The following ELMO1 variants were observed in gnomAD, a reference collection of about 807,000 sequenced individuals.
ELMO1 encodes engulfment and cell motility 1.
A neutral mutation model predicts 98.9 loss-of-function variants in ELMO1; 26 were observed. That is an observed-to-expected ratio of 0.26 (90% CI 0.19 to 0.36). ELMO1 has a LOEUF of 0.36. Among genes scored for constraint, ELMO1 ranks in the 10% least tolerant of loss-of-function variants. The pLI is 1.00. For missense variants in ELMO1, 627 were observed against 935.2 expected (o/e 0.67, Z 4.30); for synonymous variants, 346 against 346.0 (o/e 1.00, Z 0.00).
chr7:37,447,714 C>CCACCCACACACACACACA (rs1323474343), intron 1 of ELMO1, among the ~76,000 whole-genome samples: 12 of 132,138 alleles, frequency 9.1e-5, no homozygotes, highest in African/African-American at 3.7e-4. Flanking sequence ...CGCGCACACA[C>CCACCCACACACACACACA]CACACACACA....
At chr7:36,950,541 G>A (rs181342191) in intron 16 of ELMO1, among the ~76,000 whole-genome samples, 30 of 152,270 alleles carry the variant, frequency 2.0e-4, no homozygotes, top group Admixed American at 7.2e-4. Context: ...GTTTCATGGC[G>A]CCAGGCAATT....
intron 1 of ELMO1, among the ~76,000 whole-genome samples, chr7:37,428,194 C>T (rs1360271470): frequency 6.6e-6 from 1 of 151,716 alleles, no homozygotes; most frequent in Non-Finnish European, 1.5e-5. Context: ...AGAACTAGGT[C>T]AAAGGCACAA....
chr7:37,158,316 T>C (rs1256494041), intron 13 of ELMO1, among the ~76,000 whole-genome samples: 2 of 152,122 alleles, frequency 1.3e-5, no homozygotes, highest in Non-Finnish European at 2.9e-5. Flanking sequence ...TGGGATCTAA[T>C]TAAACTAAAG....
intron 16 of ELMO1, among the ~76,000 whole-genome samples, chr7:36,898,637 T>C (rs1324589037): frequency 6.6e-6 from 1 of 152,196 alleles, no homozygotes; most frequent in Non-Finnish European, 1.5e-5. Flanking sequence ...CTGTTGGTCA[T>C]GTAAATGCGC....
intron 1 of ELMO1, among the ~76,000 whole-genome samples, chr7:37,381,869 G>A (rs1428836719): frequency 6.6e-6 from 1 of 151,938 alleles, no homozygotes; most frequent in Admixed American, 6.6e-5. Context: ...CAAAGGTTAG[G>A]ATCCCTCTGC....
chr7:37,127,893 C>T (rs1407599626), intron 14 of ELMO1, among the ~76,000 whole-genome samples: 1 of 152,108 alleles, frequency 6.6e-6, no homozygotes, highest in Non-Finnish European at 1.5e-5. Flanking sequence ...AAATTAAATA[C>T]ATCAAGAACA....
At chr7:37,389,826 ATT>A (rs1057350089) in intron 1 of ELMO1, among the ~76,000 whole-genome samples, 1 of 152,152 alleles carries the variant, frequency 6.6e-6, no homozygotes, top group African/African-American at 2.4e-5. Context: ...ATCCCCCGAG[ATT>A]CTTACTAATT....
chr7:37,367,073 T>G (rs113358832), intron 1 of ELMO1, among the ~76,000 whole-genome samples: 12,254 of 152,264 alleles, frequency 0.08, 614 homozygotes, highest in Middle Eastern at 0.12. Flanking sequence ...GTTTCTCCTG[T>G]CTTGCTCTCT....
chr7:36,860,003 T>C (rs1802492325), intron 21 of ELMO1, among the ~76,000 whole-genome samples: 1 of 152,214 alleles, frequency 6.6e-6, no homozygotes, highest in South Asian at 2.1e-4. Context: ...GATGAAGACT[T>C]TTATGATGAT....
At chr7:37,067,489 T>C (rs559267470) in intron 15 of ELMO1, among the ~76,000 whole-genome samples, 1 of 152,350 alleles carries the variant, frequency 6.6e-6, no homozygotes, top group Admixed American at 6.5e-5. Flanking sequence ...ATATTTATTT[T>C]CTTCCCATAC....
intron 6 of ELMO1, among the ~76,000 whole-genome samples, chr7:37,251,154 A>G (rs1169727109): frequency 6.6e-6 from 1 of 152,220 alleles, no homozygotes; most frequent in Non-Finnish European, 1.5e-5. Flanking sequence ...AGTTGTGGAC[A>G]CAATTTTCCT....
intron 15 of ELMO1, among the ~76,000 whole-genome samples, chr7:37,036,509 G>A (rs1210359998): frequency 1.3e-5 from 2 of 152,136 alleles, no homozygotes; most frequent in African/African-American, 4.8e-5. Context: ...AGTTGGGATT[G>A]CAGGTAAGTG....
At chr7:37,178,905 G>A (rs142500773) in intron 13 of ELMO1, among the ~76,000 whole-genome samples, 44 of 152,324 alleles carry the variant, frequency 2.9e-4, no homozygotes, top group African/African-American at 1.0e-3. Context: ...GGTTGAATGA[G>A]ACTATAACTA....
intron 4 of ELMO1, among the ~76,000 whole-genome samples, chr7:37,282,743 C>T (rs1449665549): frequency 6.6e-6 from 1 of 152,224 alleles, no homozygotes; most frequent in African/African-American, 2.4e-5. Flanking sequence ...GCAGGGGCTG[C>T]TCACCATCAG....
intron 2 of ELMO1, among the ~76,000 whole-genome samples, chr7:37,329,029 C>G (rs914330878): frequency 6.6e-6 from 1 of 152,192 alleles, no homozygotes. Flanking sequence ...ACTCTCAAAG[C>G]TGTCCTCTTT....
chr7:37,114,735 G>A (rs574853749), intron 14 of ELMO1, among the ~76,000 whole-genome samples: 1 of 151,708 alleles, frequency 6.6e-6, no homozygotes, highest in African/African-American at 2.4e-5. Flanking sequence ...AAAGTAAGCT[G>A]AAGAAAAGAA....
intron 16 of ELMO1, among the ~76,000 whole-genome samples, chr7:37,011,855 C>T (rs1793584256): frequency 6.6e-6 from 1 of 152,260 alleles, no homozygotes. Context: ...CTCCTTCCCT[C>T]TTTCCCAGGG....
intron 4 of ELMO1, among the ~76,000 whole-genome samples, chr7:37,287,820 A>C (rs1206169149): frequency 1.3e-5 from 2 of 152,138 alleles, no homozygotes; most frequent in African/African-American, 4.8e-5. Flanking sequence ...CCAGCTCACT[A>C]TCCTGTTCCC....
chr7:37,006,508 A>ACCAG (rs1260058015), intron 16 of ELMO1, among the ~76,000 whole-genome samples: 1 of 152,160 alleles, frequency 6.6e-6, no homozygotes, highest in African/African-American at 2.4e-5. Flanking sequence ...TCCTCCTGCT[A>ACCAG]ATTCAGCCTT....
Sources: gnomAD v4.1 joint callset for allele counts (sites outside exome capture counted in the v4.1 genomes callset) on GRCh38, gnomAD v4.1.1 for gene constraint, MANE v1.5 for transcripts, NCBI Gene and HGNC (gene_info 2026-07-23, HGNC 2026-07-21) for gene names.